TAFA5: variants seen among roughly 807,000 people sequenced by gnomAD.
The protein encoded by TAFA5 is TAFA chemokine like family member 5, also known as chemokine-like protein TAFA-5.
A neutral mutation model predicts 15.3 loss-of-function variants in TAFA5; 6 were observed. That is an observed-to-expected ratio of 0.39 (90% CI 0.21 to 0.77). TAFA5 has a LOEUF of 0.77. Among genes scored for constraint, TAFA5 ranks in the 30% least tolerant of loss-of-function variants. TAFA5 has a pLI of 0.41. For synonymous variants in TAFA5, 103 were observed against 80.7 expected, an observed-to-expected ratio of 1.28 and a Z score of -1.48; for missense variants, 161 against 193.1, an observed-to-expected ratio of 0.83 and a Z score of 0.98.
chr22:48,504,950 G>A lies in TAFA5; in HGVS notation c.112+15246G>A, dbSNP rs150522793. Among the ~76,000 whole-genome samples the A allele has an allele frequency of 4.9e-3, 741 of 152,286 alleles. 4 individuals carry two copies. The highest frequency in any genetic ancestry group is 0.017 in the African/African-American group (710 of 41,568). On this transcript the variant is annotated intron_variant, in intron 1 of 3. Transcript: ENST00000402357. ...GAGCCTCCTCTGACCTCTGAGGTAT[G>A]GCTATCCCTGCTCAGGCCCACTGTG... is the stretch of plus-strand genomic sequence containing the variant.
intron 1 of TAFA5, among the ~76,000 whole-genome samples, chr22:48,542,266 GGT>G (rs1315396314): frequency 2.8e-5 from 4 of 141,248 alleles, no homozygotes; most frequent in Admixed American, 7.5e-5. Context: ...ATGTGTGTGT[GGT>G]GTGTGTGGGG....
intron 1 of TAFA5, among the ~76,000 whole-genome samples, chr22:48,623,313 CGGG>C: frequency 8.9e-6 from 1 of 112,420 alleles, no homozygotes; most frequent in Non-Finnish European, 1.9e-5. Flanking sequence ...ACCTGTGGGA[CGGG>C]ACATGTCGCG....
chr22:48,499,922 C>G (rs193121157), intron 1 of TAFA5, among the ~76,000 whole-genome samples: 115 of 152,260 alleles, frequency 7.6e-4, no homozygotes, highest in Middle Eastern at 3.4e-3. Flanking sequence ...CACACACACC[C>G]GTGAGTCTGC....
At chr22:48,510,854 G>T (rs534300054) in intron 1 of TAFA5, among the ~76,000 whole-genome samples, 1 of 152,366 alleles carries the variant, frequency 6.6e-6, no homozygotes, top group East Asian at 1.9e-4. Context: ...CGCATTGCAG[G>T]CATTTGATAG....
chr22:48,727,722 T>C (rs1929752929), intron 3 of TAFA5, among the ~76,000 whole-genome samples: 1 of 152,166 alleles, frequency 6.6e-6, no homozygotes, highest in South Asian at 2.1e-4. Context: ...TACAAAATAA[T>C]AAGGTTAAAA....
chr22:48,613,745 C>T (rs1308499360), intron 1 of TAFA5, among the ~76,000 whole-genome samples: 2 of 152,232 alleles, frequency 1.3e-5, no homozygotes, highest in Admixed American at 1.3e-4. Flanking sequence ...GGGCTCCCAG[C>T]CTGAACCTGA....
chr22:48,719,701 CACAA>C (rs944704905), intron 3 of TAFA5, among the ~76,000 whole-genome samples: 47 of 152,212 alleles, frequency 3.1e-4, no homozygotes, highest in Non-Finnish European at 5.7e-4. Context: ...CTTTTTTCTG[CACAA>C]ACAATGAAAA....
chr22:48,745,482 C>G (rs1930303142), intron 3 of TAFA5, among the ~76,000 whole-genome samples: 1 of 151,038 alleles, frequency 6.6e-6, no homozygotes, highest in Non-Finnish European at 1.5e-5. Flanking sequence ...TCGTTGGCGG[C>G]TGGCCTGTCC....
intron 1 of TAFA5, among the ~76,000 whole-genome samples, chr22:48,553,756 G>T (rs1010251992): frequency 1.4e-4 from 21 of 152,180 alleles, no homozygotes; most frequent in Admixed American, 5.2e-4. Flanking sequence ...GCCTGACCTG[G>T]GGTGCAGCCC....
intron 1 of TAFA5, among the ~76,000 whole-genome samples, chr22:48,610,133 T>A (rs751623338): frequency 1.3e-5 from 2 of 152,084 alleles, no homozygotes; most frequent in African/African-American, 4.8e-5. Context: ...CAAGAGAACC[T>A]AAGGTCGGCT....
chr22:48,629,201 A>C (rs1192529802), intron 1 of TAFA5, among the ~76,000 whole-genome samples: 1 of 152,138 alleles, frequency 6.6e-6, no homozygotes, highest in Non-Finnish European at 1.5e-5. Flanking sequence ...TCTCTGCTTC[A>C]GCCCCATCTA....
intron 1 of TAFA5, among the ~76,000 whole-genome samples, chr22:48,585,475 T>G (rs1185715681): frequency 1.5e-5 from 2 of 130,012 alleles, no homozygotes; most frequent in Non-Finnish European, 3.2e-5. Context: ...ACACCACACA[T>G]ACACCACATA....
chr22:48,619,744 G>C (rs1925737697), intron 1 of TAFA5, among the ~76,000 whole-genome samples: 1 of 152,246 alleles, frequency 6.6e-6, no homozygotes, highest in African/African-American at 2.4e-5. Flanking sequence ...GCGTCACGCT[G>C]CCTGCCGGGC....
At chr22:48,561,971 C>T (rs1923245426) in intron 1 of TAFA5, among the ~76,000 whole-genome samples, 4 of 152,100 alleles carry the variant, frequency 2.6e-5, no homozygotes, top group Admixed American at 2.6e-4. Flanking sequence ...GCCTCAGGCT[C>T]CCTGAGTGCT....
chr22:48,657,973 A>C (rs906105898), intron 2 of TAFA5, among the ~76,000 whole-genome samples: 1 of 152,198 alleles, frequency 6.6e-6, no homozygotes, highest in Admixed American at 6.5e-5. Context: ...CTCATCTTAC[A>C]TATGTTAATC....
intron 1 of TAFA5, among the ~76,000 whole-genome samples, chr22:48,533,264 CG>C (rs1055252486): frequency 3.3e-5 from 5 of 152,106 alleles, no homozygotes; most frequent in African/African-American, 1.2e-4. Context: ...CCTGGTCTCC[CG>C]TTAGGTGTGA....
chr22:48,540,092 G>A (rs1351246722), intron 1 of TAFA5, among the ~76,000 whole-genome samples: 6 of 152,228 alleles, frequency 3.9e-5, no homozygotes, highest in African/African-American at 1.4e-4. Context: ...CAGGAGAAGG[G>A]CTGGCCCCCT....
At chr22:48,584,795 C>T (rs971577425) in intron 1 of TAFA5, among the ~76,000 whole-genome samples, 2 of 150,578 alleles carry the variant, frequency 1.3e-5, no homozygotes, top group Non-Finnish European at 3.0e-5. Context: ...ACATGCCACT[C>T]ACCACACAAA....
intron 1 of TAFA5, among the ~76,000 whole-genome samples, chr22:48,629,504 G>A (rs1926138718): frequency 6.6e-6 from 1 of 152,218 alleles, no homozygotes; most frequent in Non-Finnish European, 1.5e-5. Flanking sequence ...CCTCCTTCCT[G>A]TGTCCCCTGT....
Sources: allele counts gnomAD v4.1 joint callset (sites outside exome capture counted in the v4.1 genomes callset), GRCh38; gene constraint gnomAD v4.1.1; transcripts MANE v1.5; gene names NCBI Gene and HGNC (gene_info 2026-07-23, HGNC 2026-07-21).